The following HIP1 variants were observed in gnomAD, a reference collection of about 807,000 sequenced individuals.
HIP1 encodes huntingtin-interacting protein 1.
A neutral mutation model predicts 147.6 loss-of-function variants in HIP1; 65 were observed. The ratio of observed to expected loss-of-function variants is 0.44; its 90% CI spans 0.36 to 0.54. HIP1 has a LOEUF of 0.54. Ranked by LOEUF, HIP1 falls within the 20% of genes least tolerant of loss-of-function variation. The probability of loss-of-function intolerance (pLI) is 0.00; values close to 1 mark genes in which losing one functional copy is unlikely to be tolerated. For synonymous variants in HIP1, 479 were observed against 504.0 expected, an observed-to-expected ratio of 0.95 and a Z score of 0.67; for missense variants, 1,061 against 1,299.6, an observed-to-expected ratio of 0.82 and a Z score of 2.82.
At chr7:75,548,727 G>T (rs587688302) in intron 23 of HIP1, among the ~76,000 whole-genome samples, 164 bp downstream of exon 23, 35 of 152,190 alleles carry the variant, frequency 2.3e-4, no homozygotes, top group African/African-American at 7.5e-4. Context: ...TCCTCCCAAG[G>T]TGCTGGGGTT....
chr7:75,661,427 G>T (rs112030492), intron 1 of HIP1, among the ~76,000 whole-genome samples: 1 of 151,186 alleles, frequency 6.6e-6, no homozygotes, highest in Non-Finnish European at 1.5e-5. Flanking sequence ...ACAAAAATTA[G>T]CCGGGCGTGG....
chr7:75,569,729 C>T (rs1554496218), intron 8 of HIP1, among the ~76,000 whole-genome samples: 1 of 152,094 alleles, frequency 6.6e-6, no homozygotes, highest in Non-Finnish European at 1.5e-5. Context: ...AGGAGAAAAA[C>T]ATCAGGCAAA....
At chr7:75,699,078 C>T (rs1472339280) in intron 1 of HIP1, among the ~76,000 whole-genome samples, 1 of 151,830 alleles carries the variant, frequency 6.6e-6, no homozygotes, top group Admixed American at 6.6e-5. Flanking sequence ...AGCAGATATG[C>T]AGTAACTATG....
intron 14 of HIP1, 100 bp downstream of exon 14, chr7:75,559,632 G>T (rs1182440592): frequency 2.1e-6 from 2 of 959,070 alleles, no homozygotes; most frequent in African/African-American, 1.6e-5. Context: ...GACAGTCTGG[G>T]TCTCCCCCAC....
chr7:75,554,711 T>C (rs1429950152), intron 19 of HIP1, among the ~76,000 whole-genome samples, 185 bp from the exon 20 acceptor site: 4 of 152,172 alleles, frequency 2.6e-5, no homozygotes, highest in Non-Finnish European at 5.9e-5. Context: ...AATTGTCTGC[T>C]CCTGGTGGGT....
intron 1 of HIP1, chr7:75,638,991 G>T: frequency 1.4e-6 from 1 of 724,600 alleles, no homozygotes; most frequent in South Asian, 6.1e-5. Flanking sequence ...GGAGAAGGGA[G>T]GGCGCCAGGG....
At chr7:75,650,453 C>CTTTTTTTTTTTTTTTTTTTT (rs782108312) in intron 1 of HIP1, among the ~76,000 whole-genome samples, 4 of 126,560 alleles carry the variant, frequency 3.2e-5, no homozygotes, top group African/African-American at 9.2e-5. Flanking sequence ...GCCCAGTTAT[C>CTTTTTTTTTTTTTTTTTTTT]TTTTTTTTTT....
At chr7:75,567,357 G>A (rs1294318275) in intron 9 of HIP1, among the ~76,000 whole-genome samples, 2 of 151,208 alleles carry the variant, frequency 1.3e-5, no homozygotes, top group African/African-American at 4.9e-5. Context: ...AGAGGATGAA[G>A]TCTGGGGCAT....
chr7:75,572,338 A>G (rs1416831776), intron 8 of HIP1, among the ~76,000 whole-genome samples: 2 of 152,150 alleles, frequency 1.3e-5, no homozygotes, highest in African/African-American at 4.8e-5. Flanking sequence ...ATAGGTCTCC[A>G]TTTAATGAGC....
At chr7:75,688,505 C>T (rs1338095105) in intron 1 of HIP1, among the ~76,000 whole-genome samples, 3 of 152,064 alleles carry the variant, frequency 2.0e-5, no homozygotes, top group Non-Finnish European at 4.4e-5. Flanking sequence ...AAGTGCAGCC[C>T]GGCTGACAGG....
intron 1 of HIP1, among the ~76,000 whole-genome samples, chr7:75,704,718 C>A (rs1231063490): frequency 5.9e-5 from 9 of 152,012 alleles, no homozygotes; most frequent in Admixed American, 5.3e-4. Context: ...GAATTACAGG[C>A]ACCCGCCATC....
chr7:75,589,654 G>C (rs1409876763), intron 4 of HIP1, among the ~76,000 whole-genome samples: 6 of 122,340 alleles, frequency 4.9e-5, no homozygotes, highest in Admixed American at 2.0e-4. Context: ...GTGTACTCTG[G>C]CCCAGGCAAC....
At chr7:75,640,767 T>A (rs879993841) in intron 1 of HIP1, among the ~76,000 whole-genome samples, 2,959 of 148,246 alleles carry the variant, frequency 0.02, 66 homozygotes, top group Middle Eastern at 0.049. Flanking sequence ...ATAATAATAA[T>A]AATAATAATA....
intron 1 of HIP1, among the ~76,000 whole-genome samples, chr7:75,693,266 C>A (rs1554518381): frequency 1.3e-5 from 2 of 151,450 alleles, no homozygotes; most frequent in Non-Finnish European, 2.9e-5. Context: ...ATGTGTTTTT[C>A]TTGGAGTAAC....
intron 27 of HIP1, 101 bp downstream of exon 27, chr7:75,544,594 C>T (rs948722695): frequency 1.3e-6 from 1 of 750,218 alleles, no homozygotes; most frequent in Non-Finnish European, 2.4e-6. Context: ...TACTCTCTAA[C>T]TCAGCCAAGT....
At chr7:75,688,046 C>A (rs547288250) in intron 1 of HIP1, among the ~76,000 whole-genome samples, 1 of 152,124 alleles carries the variant, frequency 6.6e-6, no homozygotes, top group South Asian at 2.1e-4. Flanking sequence ...CTCCTGTCCC[C>A]CTGAAGGCCA....
chr7:75,729,165 A>AAG (rs1469685201), intron 1 of HIP1, among the ~76,000 whole-genome samples: 1 of 147,986 alleles, frequency 6.8e-6, no homozygotes, highest in Non-Finnish European at 1.5e-5. Flanking sequence ...TAGAACAGGA[A>AAG]AAAAAAAAAA....
chr7:75,551,189 ATTTTTTTTTT>A (rs55679922), intron 22 of HIP1, among the ~76,000 whole-genome samples: 69 of 77,420 alleles, frequency 8.9e-4, no homozygotes, highest in African/African-American at 4.1e-3. Context: ...GTAGATGATA[ATTTTTTTTTT>A]TTTTTTTTTT....
chr7:75,637,412 C>T (rs1584907245), intron 1 of HIP1, among the ~76,000 whole-genome samples: 1 of 152,160 alleles, frequency 6.6e-6, no homozygotes, highest in East Asian at 1.9e-4. Context: ...AGTTTCGAAG[C>T]TTCAGATCCC....
Sources: gnomAD v4.1 joint callset for allele counts (sites outside exome capture counted in the v4.1 genomes callset) on GRCh38, gnomAD v4.1.1 for gene constraint, MANE v1.5 for transcripts, NCBI Gene and HGNC (gene_info 2026-07-23, HGNC 2026-07-21) for gene names.